The following PTPRN2 variants were observed in gnomAD, a reference collection of about 807,000 sequenced individuals.
The protein encoded by PTPRN2 is protein tyrosine phosphatase receptor type N2.
Under a neutral mutation model 118.8 loss-of-function variants are expected in PTPRN2, and 74 were observed. That is an observed-to-expected ratio of 0.62 (90% CI 0.52 to 0.76). PTPRN2 has a LOEUF of 0.76. PTPRN2 is among the 30% of genes least tolerant of loss of function. The probability of loss-of-function intolerance (pLI) is 0.00; values close to 1 mark genes in which losing one functional copy is unlikely to be tolerated. For missense variants in PTPRN2, 1,481 were observed against 1,394.4 expected (o/e 1.06, Z -0.99); for synonymous variants, 641 against 608.0 (o/e 1.05, Z -0.80).
At chr7:158,227,355 TACTG>T (rs1268630499) in intron 3 of PTPRN2, among the ~76,000 whole-genome samples, 1 of 152,094 alleles carries the variant, frequency 6.6e-6, no homozygotes, top group African/African-American at 2.4e-5. Context: ...AACGCGGTAA[TACTG>T]AGAGATAAAT....
intron 12 of PTPRN2, among the ~76,000 whole-genome samples, chr7:157,783,252 C>A (rs1007357292): frequency 6.6e-6 from 1 of 152,004 alleles, no homozygotes; most frequent in Non-Finnish European, 1.5e-5. Flanking sequence ...TTATTAGCAG[C>A]GTGAGAACAG....
At position 158,133,127 on chromosome 7, in the gene PTPRN2, C is replaced by A. The variant is rs149092386; in HGVS notation, c.1556+550G>T. Reference sequence around the variant, plus strand: ...GGGAAAGAGGCTCGCTGCTGTGAAGCCCCTTCTTCCTTCTGAAGGGCGCCC... The same window carrying A: ...GGGAAAGAGGCTCGCTGCTGTGAAGACCCTTCTTCCTTCTGAAGGGCGCCC... On this transcript the variant is annotated intron_variant, in intron 9 of 22. Coordinates refer to ENST00000389418, the MANE Select transcript of PTPRN2 (RefSeq NM_002847.5). Among the ~76,000 whole-genome samples, 1,094 of 152,306 alleles carry A rather than the reference C, an allele frequency of 7.2e-3. 16 individuals carry two copies. The highest frequency in any genetic ancestry group is 0.021 in the South Asian group (99 of 4,822).
chr7:158,451,004 G>T (rs1647609874), intron 2 of PTPRN2, among the ~76,000 whole-genome samples: 1 of 152,242 alleles, frequency 6.6e-6, no homozygotes, highest in South Asian at 2.1e-4. Flanking sequence ...CCACGTCGCA[G>T]CTGCACCTGG....
intron 5 of PTPRN2, among the ~76,000 whole-genome samples, chr7:158,183,702 T>C (rs1824907926): frequency 6.6e-6 from 1 of 152,258 alleles, no homozygotes; most frequent in African/African-American, 2.4e-5. Context: ...ATGGGCTGAA[T>C]TCTCCAGTGG....
At chr7:157,778,924 A>C (rs115771506) in intron 12 of PTPRN2, among the ~76,000 whole-genome samples, 3,266 of 152,342 alleles carry the variant, frequency 0.021, 121 homozygotes, top group African/African-American at 0.074. Flanking sequence ...CCACATTCTG[A>C]AAACAATGAT....
At chr7:158,138,205 A>G in intron 7 of PTPRN2, 89 bp downstream of exon 7, 1 of 1,162,322 alleles carries the variant, frequency 8.6e-7, no homozygotes, top group South Asian at 1.4e-5. Flanking sequence ...CCCACATTGC[A>G]CTTGGTGAGC....
intron 2 of PTPRN2, among the ~76,000 whole-genome samples, chr7:158,444,202 A>G (rs1817572776): frequency 6.6e-6 from 1 of 152,206 alleles, no homozygotes; most frequent in Non-Finnish European, 1.5e-5. Context: ...CTCCAGCAAG[A>G]GCGGAATGTT....
At chr7:158,551,005 C>G (rs1273778551) in intron 1 of PTPRN2, among the ~76,000 whole-genome samples, 1 of 152,258 alleles carries the variant, frequency 6.6e-6, no homozygotes, top group East Asian at 1.9e-4. Context: ...GCAAGGAGGC[C>G]TGTCCACCAG....
At chr7:157,781,283 G>C (rs1803665853) in intron 12 of PTPRN2, among the ~76,000 whole-genome samples, 1 of 152,208 alleles carries the variant, frequency 6.6e-6, no homozygotes, top group Admixed American at 6.5e-5. Context: ...TGGAGGGTCT[G>C]CTACATTACC....
At chr7:157,830,041 C>T (rs1240262751) in intron 12 of PTPRN2, among the ~76,000 whole-genome samples, 1 of 152,004 alleles carries the variant, frequency 6.6e-6, no homozygotes, top group African/African-American at 2.4e-5. Flanking sequence ...CCCCGTGTTA[C>T]CACCCCCTCC....
At chr7:157,640,437 A>C (rs1804603251) in intron 14 of PTPRN2, among the ~76,000 whole-genome samples, 1 of 152,264 alleles carries the variant, frequency 6.6e-6, no homozygotes, top group African/African-American at 2.4e-5. Context: ...AGAAGGTACA[A>C]CTTATTTCCA....
chr7:158,171,640 C>G (rs1030956384), intron 5 of PTPRN2, among the ~76,000 whole-genome samples: 6 of 152,066 alleles, frequency 3.9e-5, no homozygotes, highest in Non-Finnish European at 7.4e-5. Flanking sequence ...CGTGAGCCAC[C>G]ATGCCCAGCC....
At chr7:157,661,477 G>A (rs570349596) in intron 13 of PTPRN2, among the ~76,000 whole-genome samples, 1 of 135,002 alleles carries the variant, frequency 7.4e-6, no homozygotes, top group East Asian at 2.0e-4. Flanking sequence ...GAACGGGGGC[G>A]GGTGCTCTAG....
At chr7:158,340,799 C>T (rs1198225297) in intron 2 of PTPRN2, among the ~76,000 whole-genome samples, 2 of 80,018 alleles carry the variant, frequency 2.5e-5, no homozygotes, top group African/African-American at 1.1e-4. Flanking sequence ...CTGCAGACGT[C>T]ACTCACACCC....
In PTPRN2 at chr7:157,585,682, A is replaced by G. The variant is rs1585066074; in HGVS notation, c.2497-7542T>C. On this transcript the variant is annotated intron_variant, in intron 17 of 22. Transcript: ENST00000389418. This position sits in a 1 kb window ranked among gnomAD's most constrained non-coding sequence, Gnocchi z 5.2. ...CTGCACTGGGCGGCCTTTCCTTTTC[A>G]AGATCAGGACCTGACATAAATGCAT... Among the ~76,000 whole-genome samples, 1 of 152,108 alleles carries G rather than the reference A, an allele frequency of 6.6e-6. No individual in the cohort carries two copies. The highest frequency in any genetic ancestry group is 1.9e-4 in the East Asian group (1 of 5,190).
At chr7:157,852,794 A>T (rs940921454) in intron 12 of PTPRN2, among the ~76,000 whole-genome samples, 1 of 150,198 alleles carries the variant, frequency 6.7e-6, no homozygotes, top group Non-Finnish European at 1.5e-5. Context: ...GCTTTAACCC[A>T]GGAGGCAGAG....
intron 7 of PTPRN2, among the ~76,000 whole-genome samples, 157 bp downstream of exon 7, chr7:158,138,137 G>C (rs1431255338): frequency 1.3e-5 from 2 of 152,158 alleles, no homozygotes; most frequent in East Asian, 3.9e-4. Context: ...GCTTTTAGAG[G>C]CAAAAGTTCA....
intron 11 of PTPRN2, among the ~76,000 whole-genome samples, chr7:158,070,988 G>A (rs1333696619): frequency 5.1e-4 from 62 of 120,742 alleles, no homozygotes; most frequent in Non-Finnish European, 8.5e-4. Flanking sequence ...TGCCCGTGGT[G>A]GTGGAGGTGC....
intron 3 of PTPRN2, among the ~76,000 whole-genome samples, chr7:158,253,720 A>G (rs1183037919): frequency 6.6e-6 from 1 of 152,164 alleles, no homozygotes; most frequent in Non-Finnish European, 1.5e-5. Context: ...CTTTAAAAAT[A>G]CTCTAATGGT....
Sources: allele counts gnomAD v4.1 joint callset (sites outside exome capture counted in the v4.1 genomes callset), GRCh38; gene constraint gnomAD v4.1.1; non-coding constraint Gnocchi (gnomAD v3.1); transcripts MANE v1.5; gene names NCBI Gene and HGNC (gene_info 2026-07-23, HGNC 2026-07-21).